The following RABGAP1 variants were observed in gnomAD, a reference collection of about 807,000 sequenced individuals.
RABGAP1 encodes RAB GTPase activating protein 1.
A neutral mutation model predicts 137.6 loss-of-function variants in RABGAP1; 23 were observed. The ratio of observed to expected loss-of-function variants is 0.17; its 90% CI spans 0.12 to 0.24. The LOEUF (loss-of-function observed/expected upper bound fraction) is 0.24. Among genes scored for constraint, RABGAP1 ranks in the 10% least tolerant of loss-of-function variants. The pLI is 1.00. For synonymous variants in RABGAP1, 451 were observed against 450.7 expected (o/e 1.00, Z -0.01); for missense variants, 906 against 1,275.8 (o/e 0.71, Z 4.42).
At chr9:123,000,244 AT>A (rs879454710) in intron 10 of RABGAP1, among the ~76,000 whole-genome samples, 18 of 147,844 alleles carry the variant, frequency 1.2e-4, no homozygotes, top group African/African-American at 2.2e-4. Context: ...AAGAGTCTTG[AT>A]TTTTTTTTTT....
At chr9:123,086,361 G>A (rs572151723) in intron 19 of RABGAP1, among the ~76,000 whole-genome samples, 4 of 152,302 alleles carry the variant, frequency 2.6e-5, no homozygotes, top group African/African-American at 4.8e-5. Context: ...CTGGGTACTC[G>A]CTATACATGA....
In RABGAP1 at chr9:123,103,186, C is replaced by T. The variant is rs777756753; in HGVS notation, c.3183C>T (p.Thr1061=). 1.9e-5 allele frequency: 30 copies of T among 1,613,940 alleles called. No individual in the cohort carries two copies. The highest frequency in any genetic ancestry group is 2.1e-5 in the Non-Finnish European group (25 of 1,179,990). ...NRTLSSIKTA[T]GVQGKETC is the part of the protein sequence containing the mutation. ...CACTGAGCTCCATAAAGACAGCAACCGGGGTTCAAGGGAAAGAGACTTGCT... is the reference window on the plus strand; with the variant it reads ...CACTGAGCTCCATAAAGACAGCAACTGGGGTTCAAGGGAAAGAGACTTGCT... The change falls in exon 26 of 26, where the codon ACC becomes ACT. Residue 1061 remains threonine (T), a synonymous_variant. Transcript: ENST00000373647.
chr9:123,005,526 A>G (rs562468465), intron 10 of RABGAP1, among the ~76,000 whole-genome samples: 63 of 152,264 alleles, frequency 4.1e-4, no homozygotes, highest in African/African-American at 1.3e-3. Flanking sequence ...GTCTTATCCT[A>G]TACATTGCTT....
intron 6 of RABGAP1, among the ~76,000 whole-genome samples, chr9:122,995,046 G>A (rs145262072): frequency 5.3e-5 from 8 of 152,294 alleles, no homozygotes; most frequent in African/African-American, 1.9e-4. Context: ...GAGCCCAGGA[G>A]TTTGAGGCTG....
chr9:123,051,475 G>C (rs1020163718), intron 13 of RABGAP1, among the ~76,000 whole-genome samples: 2 of 150,832 alleles, frequency 1.3e-5, no homozygotes, highest in Non-Finnish European at 1.5e-5. Flanking sequence ...TCGAACTCCC[G>C]ACCTTAGGTG....
chr9:123,034,795 T>C (rs770765245), intron 13 of RABGAP1: 6 of 1,613,966 alleles, frequency 3.7e-6, no homozygotes, highest in Non-Finnish European at 5.1e-6. Context: ...TGCTGACCTT[T>C]TTGTTGGGGT....
At chr9:123,022,095 A>C (rs1344330082) in intron 13 of RABGAP1, among the ~76,000 whole-genome samples, 3 of 152,196 alleles carry the variant, frequency 2.0e-5, no homozygotes, top group Non-Finnish European at 4.4e-5. Context: ...TTGTTGGCAA[A>C]TCATATTTTG....
intron 12 of RABGAP1, among the ~76,000 whole-genome samples, chr9:123,016,260 A>C (rs546497272): frequency 2.6e-4 from 40 of 152,294 alleles, no homozygotes; most frequent in African/African-American, 7.2e-4. Context: ...TAATCTCAGC[A>C]TTTTGGGAGG....
In RABGAP1 at chr9:122,987,952, CT is replaced by C. The variant is rs1836452445; in HGVS notation, c.591-1342del. Among the ~76,000 whole-genome samples the C allele has an allele frequency of 2.6e-5, 4 of 152,180 alleles. No homozygotes were observed. The East Asian group carries it at 7.7e-4, about 29-fold the overall frequency. ...TCAGTATCCTCAGAAGTATTTTGGA[CT>C]TTCATGGTGACAGAGTAATAGCTGT... is the stretch of plus-strand genomic sequence containing the variant. On this transcript the variant is annotated intron_variant, in intron 4 of 25. Transcript: ENST00000373647.
At position 123,099,562 on chromosome 9, in the gene RABGAP1, T is replaced by TCGG. The variant is rs774073150; in HGVS notation, c.2889+13_2889+14insCGG. ...TGAGAAAATTCGGGTAAGACTTCTC[T>TCGG]TTACCTAAAAGATTTTATACCACCT... On this transcript the variant is annotated intron_variant, in intron 24 of 25. Coordinates refer to ENST00000373647, the MANE Select transcript of RABGAP1 (RefSeq NM_012197.4). 2 of 1,588,698 alleles carry TCGG rather than the reference T, an allele frequency of 1.3e-6. No homozygotes were observed. Among genetic ancestry groups the TCGG allele is most frequent in the Non-Finnish European group, 1.7e-6 (2 of 1,157,128 alleles).
chr9:122,971,416 G>T (rs1364338819), intron 2 of RABGAP1, among the ~76,000 whole-genome samples: 1 of 152,082 alleles, frequency 6.6e-6, no homozygotes. Context: ...CCCTCTTAAA[G>T]CAGAGCACAC....
intron 2 of RABGAP1, among the ~76,000 whole-genome samples, chr9:122,965,070 ATAG>A (rs1472043623): frequency 2.0e-5 from 3 of 152,192 alleles, no homozygotes; most frequent in African/African-American, 7.2e-5. Context: ...TTTGTAAATG[ATAG>A]TAGTTCTAGG....
At chr9:122,973,876 G>A (rs1835610705) in intron 2 of RABGAP1, among the ~76,000 whole-genome samples, 1 of 152,028 alleles carries the variant, frequency 6.6e-6, no homozygotes, top group African/African-American at 2.4e-5. Context: ...TGGGCGTGGT[G>A]GCATGCACCT....
chr9:123,057,714 G>A (rs1181234447), intron 13 of RABGAP1, among the ~76,000 whole-genome samples: 1 of 152,202 alleles, frequency 6.6e-6, no homozygotes, highest in Non-Finnish European at 1.5e-5. Context: ...CTGGTAGGTG[G>A]AGGTTGTAGC....
intron 19 of RABGAP1, among the ~76,000 whole-genome samples, chr9:123,084,956 G>A (rs751243326): frequency 1.2e-4 from 19 of 152,136 alleles, no homozygotes; most frequent in Non-Finnish European, 2.4e-4. Flanking sequence ...TAGTGGGCAG[G>A]TTGTACCACG....
intron 6 of RABGAP1, chr9:122,990,814 T>C (rs1255771354): frequency 9.1e-6 from 1 of 110,012 alleles, no homozygotes; most frequent in South Asian, 3.3e-4. Context: ...TATATATATA[T>C]ATATATATAT....
chr9:123,073,216 A>G (rs962832837), intron 15 of RABGAP1, among the ~76,000 whole-genome samples: 1 of 152,178 alleles, frequency 6.6e-6, no homozygotes, highest in Admixed American at 6.5e-5. Context: ...CCTTTCTACA[A>G]AGTCTGTTTC....
chr9:122,996,260 C>T (rs1837017624), intron 7 of RABGAP1, 109 bp downstream of exon 7: 2 of 1,435,864 alleles, frequency 1.4e-6, no homozygotes, highest in Non-Finnish European at 1.8e-6. Flanking sequence ...ATTTTGTTCC[C>T]TAGGAAATTA....
intron 2 of RABGAP1, among the ~76,000 whole-genome samples, chr9:122,979,693 C>T (rs944577765): frequency 6.6e-6 from 1 of 152,086 alleles, no homozygotes. Flanking sequence ...ATTAATTGTT[C>T]CAGCTTCATT....
Sources: gnomAD v4.1 joint callset for allele counts (sites outside exome capture counted in the v4.1 genomes callset) on GRCh38, gnomAD v4.1.1 for gene constraint, MANE v1.5 for transcripts, NCBI Gene and HGNC (gene_info 2026-07-23, HGNC 2026-07-21) for gene names.